The following FARS2 variants were observed in gnomAD, a reference collection of about 807,000 sequenced individuals.
FARS2 encodes the protein phenylalanine--tRNA ligase, mitochondrial.
Under a neutral mutation model 46.4 loss-of-function variants are expected in FARS2, and 40 were observed. That is an observed-to-expected ratio of 0.86 (90% CI 0.67 to 1.12). The LOEUF (loss-of-function observed/expected upper bound fraction) is 1.12, where lower values mean the gene tolerates loss of function less well. FARS2 is among the 50% of genes most tolerant of loss of function. The pLI is 0.00. For synonymous variants in FARS2, 234 were observed against 214.9 expected, an observed-to-expected ratio of 1.09 and a Z score of -0.78; for missense variants, 513 against 567.9, an observed-to-expected ratio of 0.90 and a Z score of 0.98.
chr6:5,687,833 T>C (rs1370088364), intron 6 of FARS2, among the ~76,000 whole-genome samples: 1 of 152,136 alleles, frequency 6.6e-6, no homozygotes, highest in Non-Finnish European at 1.5e-5. Context: ...TACCCATGAG[T>C]GTGGAATGTT....
In FARS2 at chr6:5,630,465, T is replaced by C. The variant is rs956286035; in HGVS notation, c.1217+17145T>C. Reference sequence around the variant, plus strand: ...TATTTATTCCACAAATGTTCATAACTAGAGAATACTTGATTTAATGGATTT... The same window carrying C: ...TATTTATTCCACAAATGTTCATAACCAGAGAATACTTGATTTAATGGATTT... On this transcript the variant is annotated intron_variant, in intron 6 of 6. Transcript: ENST00000274680. The surrounding 1 kb of genome is among the most constrained non-coding windows in gnomAD (Gnocchi z 4.2). 1.3e-5 allele frequency among the ~76,000 whole-genome samples: 2 copies of C among 152,196 alleles called. No individual in the cohort carries two copies. The highest frequency in any genetic ancestry group is 4.8e-5 in the African/African-American group (2 of 41,458).
At chr6:5,734,110 T>C (rs1343762748) in intron 6 of FARS2, among the ~76,000 whole-genome samples, 1 of 152,172 alleles carries the variant, frequency 6.6e-6, no homozygotes, top group African/African-American at 2.4e-5. Flanking sequence ...ATGCCGTCCC[T>C]TCTTGGCAAG....
At chr6:5,695,133 C>T (rs943566626) in intron 6 of FARS2, 8 of 152,234 alleles carry the variant, frequency 5.3e-5, no homozygotes, top group African/African-American at 7.2e-5. Context: ...AAGGTGATGA[C>T]GCTGTGCTTA....
In FARS2 at chr6:5,630,423, C is replaced by T. The variant is rs541047367; in HGVS notation, c.1217+17103C>T. Among the ~76,000 whole-genome samples the T allele has an allele frequency of 5.9e-5, 9 of 152,274 alleles. No homozygotes were observed. The East Asian group carries it at 1.5e-3, about 26-fold the overall frequency. On this transcript the variant is annotated intron_variant, in intron 6 of 6. Transcript: ENST00000274680. This position sits in a 1 kb window ranked among gnomAD's most constrained non-coding sequence, Gnocchi z 4.2. Reference sequence around the variant, plus strand: ...ATCATGTTTCTTTAAATATCCCACCCGTTGTGTCTTTACTTGTATTTATTC... The same window carrying T: ...ATCATGTTTCTTTAAATATCCCACCTGTTGTGTCTTTACTTGTATTTATTC...
intron 3 of FARS2, among the ~76,000 whole-genome samples, chr6:5,423,577 T>G (rs1351214718): frequency 6.6e-6 from 1 of 152,154 alleles, no homozygotes; most frequent in African/African-American, 2.4e-5. Context: ...TTTCCCCTAT[T>G]GCTTTGTGTT....
intron 4 of FARS2, among the ~76,000 whole-genome samples, chr6:5,480,103 G>A (rs546096796): frequency 5.3e-5 from 8 of 152,338 alleles, no homozygotes; most frequent in South Asian, 4.1e-4. Context: ...TTTTATCAAC[G>A]ACTTTGATGA....
chr6:5,656,621 G>C (rs1243360094), intron 6 of FARS2, among the ~76,000 whole-genome samples: 1 of 151,676 alleles, frequency 6.6e-6, no homozygotes, highest in Non-Finnish European at 1.5e-5. Context: ...TACAATCTCA[G>C]CTCACTGCAA....
At chr6:5,380,163 C>T (rs714471) in intron 2 of FARS2, among the ~76,000 whole-genome samples, 96,897 of 152,086 alleles carry the variant, frequency 0.64, 31,096 homozygotes, top group South Asian at 0.74. Context: ...ATGGAATACA[C>T]AGAGAATAGA....
At chr6:5,321,957 A>T (rs1368878582) in intron 1 of FARS2, among the ~76,000 whole-genome samples, 1 of 152,228 alleles carries the variant, frequency 6.6e-6, no homozygotes, top group Non-Finnish European at 1.5e-5. Context: ...CATTATTTTC[A>T]ACCAGCTCTT....
chr6:5,609,084 T>C, intron 5 of FARS2: 1 of 602,576 alleles, frequency 1.7e-6, no homozygotes, highest in South Asian at 1.6e-5. Context: ...CCCATACACA[T>C]GAGTATTTGT....
chr6:5,686,200 CTT>C (rs1194414389), intron 6 of FARS2, among the ~76,000 whole-genome samples: 60 of 127,840 alleles, frequency 4.7e-4, no homozygotes, highest in African/African-American at 1.8e-3. Flanking sequence ...TTTCTATGAA[CTT>C]TTTTTAATTA....
chr6:5,572,265 A>G (rs537967483), intron 5 of FARS2, among the ~76,000 whole-genome samples: 15 of 152,190 alleles, frequency 9.9e-5, no homozygotes, highest in Middle Eastern at 3.4e-3. Context: ...GGGACAGCAG[A>G]CACGTCCTAT....
chr6:5,487,952 A>G (rs969757789), intron 4 of FARS2, among the ~76,000 whole-genome samples: 3 of 152,176 alleles, frequency 2.0e-5, no homozygotes, highest in Non-Finnish European at 2.9e-5. Flanking sequence ...CCTGTGTTGT[A>G]GGGGCATGGA....
intron 6 of FARS2, among the ~76,000 whole-genome samples, chr6:5,734,731 G>A (rs1258852146): frequency 2.6e-5 from 4 of 152,114 alleles, no homozygotes; most frequent in African/African-American, 9.7e-5. Flanking sequence ...CACAAAATGA[G>A]GACAGTTCAT....
At chr6:5,550,790 A>C (rs1389057291) in intron 5 of FARS2, among the ~76,000 whole-genome samples, 2 of 152,166 alleles carry the variant, frequency 1.3e-5, no homozygotes, top group African/African-American at 4.8e-5. Flanking sequence ...ATTACACAAG[A>C]GGCTCCTCTG....
intron 5 of FARS2, among the ~76,000 whole-genome samples, chr6:5,571,009 G>C (rs1772610941): frequency 6.6e-6 from 1 of 152,142 alleles, no homozygotes. Context: ...TAGACTTACT[G>C]ACTGTTTCGT....
intron 1 of FARS2, among the ~76,000 whole-genome samples, chr6:5,338,938 C>T (rs138106193): frequency 1.2e-4 from 19 of 152,268 alleles, no homozygotes; most frequent in African/African-American, 3.1e-4. Flanking sequence ...AATATATTAA[C>T]GACTGTCAAG....
At chr6:5,499,534 T>C (rs772278735) in intron 4 of FARS2, among the ~76,000 whole-genome samples, 2 of 152,216 alleles carry the variant, frequency 1.3e-5, no homozygotes, top group Non-Finnish European at 2.9e-5. Context: ...TTAATCTCTC[T>C]GGGCCCTAAC....
chr6:5,495,989 G>C (rs1161172203), intron 4 of FARS2, among the ~76,000 whole-genome samples: 1 of 152,168 alleles, frequency 6.6e-6, no homozygotes, highest in Non-Finnish European at 1.5e-5. Context: ...AAGAAAGCTT[G>C]TCTTGTTAAA....
Sources: allele counts gnomAD v4.1 joint callset (sites outside exome capture counted in the v4.1 genomes callset), GRCh38; gene constraint gnomAD v4.1.1; non-coding constraint Gnocchi (gnomAD v3.1); transcripts MANE v1.5; gene names NCBI Gene and HGNC (gene_info 2026-07-23, HGNC 2026-07-21).